Variants in FHAD1 observed in about 807,000 individuals in gnomAD.
FHAD1 encodes forkhead associated phosphopeptide binding domain 1.
FHAD1 carries 146 observed loss-of-function variants against 191.3 expected under a neutral mutation model. The ratio of observed to expected loss-of-function variants is 0.76; its 90% CI spans 0.67 to 0.88. The LOEUF (loss-of-function observed/expected upper bound fraction) is 0.88. Ranked by LOEUF, FHAD1 falls within the 40% of genes least tolerant of loss-of-function variation. FHAD1 has a pLI of 0.00. For synonymous variants in FHAD1, 616 were observed against 672.3 expected (o/e 0.92, Z 1.29); for missense variants, 1,635 against 1,785.8 (o/e 0.92, Z 1.52).
chr1:15,394,248 C>G (rs1379723854), intron 33 of FHAD1, among the ~76,000 whole-genome samples: 1 of 152,200 alleles, frequency 6.6e-6, no homozygotes, highest in Non-Finnish European at 1.5e-5. Flanking sequence ...ATGCTTCTGG[C>G]AGCCCTGGGG....
At chr1:15,373,437 G>A (rs562765015) in intron 26 of FHAD1, among the ~76,000 whole-genome samples, 74 of 151,618 alleles carry the variant, frequency 4.9e-4, no homozygotes, top group African/African-American at 1.7e-3. Context: ...GCTTGAACCC[G>A]GGAGGTGGAG....
intron 1 of FHAD1, among the ~76,000 whole-genome samples, chr1:15,238,826 C>A (rs1451773754): frequency 6.6e-6 from 1 of 152,224 alleles, no homozygotes; most frequent in Non-Finnish European, 1.5e-5. Context: ...CCAGACACAT[C>A]AAAGCTTCCT....
upstream of FHAD1, among the ~76,000 whole-genome samples, chr1:15,245,147 C>G (rs573584598): frequency 6.6e-6 from 1 of 152,182 alleles, no homozygotes; most frequent in Non-Finnish European, 1.5e-5. Context: ...ATGAGGGATT[C>G]GCCCGCATGA....
intron 23 of FHAD1, among the ~76,000 whole-genome samples, chr1:15,365,075 A>C (rs1275706341): frequency 6.6e-6 from 1 of 152,046 alleles, no homozygotes; most frequent in Non-Finnish European, 1.5e-5. Flanking sequence ...ATCTGGCCCC[A>C]CCTCTCTCCA....
rs144282113 is a variant in FHAD1, at chr1:15,237,858, G to A, written c.-15+1097G>A. On this transcript the variant is annotated intron_variant, in intron 1 of 33. Transcript: ENST00000683790. ...AAATAAAATGATTCAGAGGAAACCTGAGAAGAAATGTCCAGCGTGAGGGGA... is the reference window on the plus strand; with the variant it reads ...AAATAAAATGATTCAGAGGAAACCTAAGAAGAAATGTCCAGCGTGAGGGGA... Among the ~76,000 whole-genome samples the A allele has an allele frequency of 2.6e-5, 4 of 152,316 alleles. No individual in the cohort carries two copies. In the East Asian group the frequency reaches 7.7e-4, roughly 29 times the overall value.
At chr1:15,360,062 A>G (rs754405674) in intron 21 of FHAD1, among the ~76,000 whole-genome samples, 45 of 152,276 alleles carry the variant, frequency 3.0e-4, no homozygotes, top group Non-Finnish European at 4.7e-4. Flanking sequence ...GCAGTGAGCC[A>G]AGATAGTGCC....
intron 1 of FHAD1, among the ~76,000 whole-genome samples, chr1:15,238,836 T>A (rs1323889593): frequency 6.6e-6 from 1 of 152,168 alleles, no homozygotes; most frequent in African/African-American, 2.4e-5. Context: ...CAAAGCTTCC[T>A]CCCAATTTCA....
intron 7 of FHAD1, among the ~76,000 whole-genome samples, chr1:15,310,498 C>A (rs997270381): frequency 3.3e-5 from 5 of 152,176 alleles, no homozygotes; most frequent in Non-Finnish European, 1.5e-5. Flanking sequence ...TCTCAGACAC[C>A]ACTCCTCTAA....
intron 2 of FHAD1, among the ~76,000 whole-genome samples, chr1:15,259,580 C>G (rs1347364116): frequency 2.0e-5 from 3 of 152,094 alleles, no homozygotes; most frequent in African/African-American, 7.2e-5. Context: ...GTGGGAAATC[C>G]CACAGTTTGG....
At chr1:15,344,098 TGC>T (rs142186550) in intron 16 of FHAD1, among the ~76,000 whole-genome samples, 3,571 of 152,280 alleles carry the variant, frequency 0.023, 146 homozygotes, top group African/African-American at 0.08. Context: ...ATCAGGTCCC[TGC>T]CAGACAGACT....
chr1:15,263,971 A>C (rs996295147), intron 2 of FHAD1, among the ~76,000 whole-genome samples: 2 of 152,104 alleles, frequency 1.3e-5, no homozygotes, highest in African/African-American at 4.8e-5. Context: ...GGGCTTTCTA[A>C]TCTGTTTCAC....
chr1:15,303,102 G>A (rs750615168), intron 6 of FHAD1, among the ~76,000 whole-genome samples: 11 of 152,116 alleles, frequency 7.2e-5, no homozygotes, highest in Admixed American at 2.6e-4. Flanking sequence ...CCTCTTTTGC[G>A]CTCTGGGAAT....
chr1:15,360,553 C>G lies in FHAD1; in HGVS notation c.2812C>G (p.His938Asp). The G allele has an allele frequency of 6.4e-7, 1 of 1,551,906 alleles. No individual in the cohort carries two copies. The highest frequency in any genetic ancestry group is 8.7e-7 in the Non-Finnish European group (1 of 1,147,042). The change falls in exon 22 of 34, where the codon CAC becomes GAC. Residue 938 changes from histidine (H) to aspartate (D), a missense_variant. Physicochemically the swap from His to Asp is moderately conservative, Grantham distance 81. Transcript: ENST00000688493. Reference sequence around the variant, plus strand: ...CCAGGATGAGCAGGAATCACAGAGACACGGGTTTGAAGAAGAGATCATGGA... The same window carrying G: ...CCAGGATGAGCAGGAATCACAGAGAGACGGGTTTGAAGAAGAGATCATGGA... Reference protein sequence around the residue: ...ALQDEQESQRHGFEEEIMEYK... With the variant: ...ALQDEQESQRDGFEEEIMEYK...
Position 15,373,509 on chromosome 1 carries a change from CA to C in FHAD1, c.3448-981del, listed in dbSNP as rs35860053. Among the ~76,000 whole-genome samples, 993 of 142,210 alleles carry C rather than the reference CA, an allele frequency of 7.0e-3. 6 individuals carry two copies. Among genetic ancestry groups the C allele is most frequent in the African/African-American group, 0.02 (782 of 39,118 alleles). 93.3% of individuals were successfully genotyped at this position (142,210 alleles called of 152,430 possible). A position where few individuals can be genotyped will look rare whatever the true frequency, so the allele number is the denominator to read the frequency against. On this transcript the variant is annotated intron_variant, in intron 26 of 33. Transcript: ENST00000688493. ...CCTGGGCGACAGAGCAAGACTCCGT[CA>C]AAAAAAAAAAATGGTGAAAAAGGCC...
intron 14 of FHAD1, among the ~76,000 whole-genome samples, chr1:15,338,423 CTCTG>C (rs1387547680): frequency 2.0e-5 from 3 of 152,200 alleles, no homozygotes; most frequent in African/African-American, 4.8e-5. Flanking sequence ...TCACCTTCCC[CTCTG>C]TCTGTGGTCA....
intron 27 of FHAD1, among the ~76,000 whole-genome samples, chr1:15,374,855 TTTTTG>T (rs1699127899): frequency 1.8e-5 from 2 of 111,928 alleles, no homozygotes; most frequent in Non-Finnish European, 1.7e-5. Context: ...TACGTTTTTT[TTTTTG>T]TTTGTTTTTT....
In FHAD1 at chr1:15,263,510, C is replaced by CTT. The variant is rs771788861; in HGVS notation, c.94-8789_94-8788dup. Among the ~76,000 whole-genome samples the CTT allele has an allele frequency of 2.6e-3, 195 of 75,068 alleles. 13 individuals are homozygous for CTT. The highest frequency in any genetic ancestry group is 3.9e-3 in the Admixed American group (21 of 5,450). The allele number at this position is 75,068 out of a possible 152,430, so 49.2% of individuals were successfully genotyped here. A position where few individuals can be genotyped will look rare whatever the true frequency, so the allele number is the denominator to read the frequency against. On this transcript the variant is annotated intron_variant, in intron 2 of 33. Coordinates refer to ENST00000688493, the MANE Select transcript of FHAD1 (RefSeq NM_001391957.1). ...TGTAAGTTAAGGGTCCAGTTTTATT[C>CTT]TTTTTTTTTTTTTTTTTTTTTTTTT...
intron 6 of FHAD1, among the ~76,000 whole-genome samples, chr1:15,302,684 A>T (rs954782719): frequency 1.5e-5 from 2 of 137,898 alleles, no homozygotes; most frequent in African/African-American, 7.1e-5. Flanking sequence ...GCACCACTGC[A>T]CTCAGCCTGG....
intron 14 of FHAD1, chr1:15,330,153 T>C (rs1680627359): frequency 6.5e-6 from 1 of 152,962 alleles, no homozygotes; most frequent in Non-Finnish European, 1.5e-5. Flanking sequence ...CAGTTACTGA[T>C]TCCATTGTGT....
Sources: gnomAD v4.1 joint callset for allele counts (sites outside exome capture counted in the v4.1 genomes callset) on GRCh38, gnomAD v4.1.1 for gene constraint, MANE v1.5 for transcripts, NCBI Gene and HGNC (gene_info 2026-07-23, HGNC 2026-07-21) for gene names.